Variants in KLHL14 observed in about 807,000 individuals in gnomAD.
The protein encoded by KLHL14 is kelch like family member 14, also known as kelch-like protein 14.
In KLHL14, 22 loss-of-function variants were observed where a neutral mutation model predicts 64.3. The observed-to-expected ratio is 0.34, with a 90% CI of 0.24 to 0.49. The LOEUF (loss-of-function observed/expected upper bound fraction) is 0.49, where lower values mean the gene tolerates loss of function less well. Ranked by LOEUF, KLHL14 falls within the 20% of genes least tolerant of loss-of-function variation. KLHL14 has a pLI of 0.99. For synonymous variants in KLHL14, 322 were observed against 333.4 expected (o/e 0.97, Z 0.37); for missense variants, 661 against 789.0 (o/e 0.84, Z 1.94).
intron 2 of KLHL14, among the ~76,000 whole-genome samples, chr18:32,747,312 A>G (rs887511104): frequency 6.6e-6 from 1 of 152,162 alleles, no homozygotes; most frequent in African/African-American, 2.4e-5. Context: ...CTTTATTTCT[A>G]TTATTATATT....
chr18:32,746,396 C>A (rs1037150684), intron 2 of KLHL14, among the ~76,000 whole-genome samples: 1 of 152,166 alleles, frequency 6.6e-6, no homozygotes, highest in Non-Finnish European at 1.5e-5. Context: ...CGCCTGTATG[C>A]GTGAGTGCTG....
intron 3 of KLHL14, among the ~76,000 whole-genome samples, chr18:32,732,081 G>A (rs1385261676): frequency 2.6e-5 from 4 of 152,078 alleles, no homozygotes; most frequent in East Asian, 1.9e-4. Context: ...AAAATTAGCC[G>A]GGCGTGGTGG....
rs577931133 is a variant in KLHL14 at position 32,751,626 on chromosome 18, C to A, written c.948-9577G>T. ...CCTCTTCCTCACACACAGAGTCTGGCTATGTGGTGACTGAAGAACGGTCAG... is the reference window on the plus strand; with the variant it reads ...CCTCTTCCTCACACACAGAGTCTGGATATGTGGTGACTGAAGAACGGTCAG... On this transcript the variant is annotated intron_variant, in intron 2 of 8. Coordinates refer to ENST00000359358, the MANE Select transcript of KLHL14 (RefSeq NM_020805.3). 1.4e-3 allele frequency among the ~76,000 whole-genome samples: 218 copies of A among 152,150 alleles called. 1 individual carries two copies. The highest frequency in any genetic ancestry group is 1.9e-3 in the Non-Finnish European group (130 of 68,030).
rs745322580 is a variant in KLHL14, at chr18:32,741,958, C to A, written c.1039G>T (p.Asp347Tyr). 2 of 1,607,862 alleles carry A rather than the reference C, an allele frequency of 1.2e-6. No homozygotes were observed. The highest frequency in any genetic ancestry group is 1.7e-6 in the Non-Finnish European group (2 of 1,178,584). Reference protein sequence around the residue: ...LPSNLVQYYDDEKKTWKILTI... With the variant: ...LPSNLVQYYDYEKKTWKILTI... ...AGTATTTTCCATGTCTTCTTTTCATCGTCGTAATACTGAACCAAATTGCTG... is the reference window on the plus strand; with the variant it reads ...AGTATTTTCCATGTCTTCTTTTCATAGTCGTAATACTGAACCAAATTGCTG... Residue 347 changes from aspartate (D) to tyrosine (Y), a missense_variant, in exon 3 of 9, where the codon GAT becomes TAT. Around this residue, in one of 2 missense-constraint regions of KLHL14, gnomAD observed 330 missense variants for 450.0 expected, o/e 0.73. Coordinates refer to ENST00000359358, the MANE Select transcript of KLHL14 (RefSeq NM_020805.3).
chr18:32,682,842 C>G (rs1339465287), intron 5 of KLHL14, among the ~76,000 whole-genome samples: 8 of 152,124 alleles, frequency 5.3e-5, no homozygotes, highest in Non-Finnish European at 1.0e-4. Context: ...TTTTCCAACA[C>G]TGACACTAAG....
At chr18:32,746,388 C>T (rs910096168) in intron 2 of KLHL14, among the ~76,000 whole-genome samples, 3 of 152,174 alleles carry the variant, frequency 2.0e-5, no homozygotes, top group Admixed American at 6.5e-5. Context: ...TGTGTGCGCG[C>T]CTGTATGCGT....
At chr18:32,710,263 T>G (rs187967942) in intron 3 of KLHL14, among the ~76,000 whole-genome samples, 150 of 152,324 alleles carry the variant, frequency 9.8e-4, no homozygotes, top group Admixed American at 2.2e-3. Flanking sequence ...AAAGTTTCTT[T>G]GAGATGCTAA....
intron 2 of KLHL14, among the ~76,000 whole-genome samples, chr18:32,747,211 G>T (rs1310907335): frequency 6.6e-6 from 1 of 152,070 alleles, no homozygotes; most frequent in African/African-American, 2.4e-5. Flanking sequence ...CAACCTTTTT[G>T]GTACCAGGGT....
rs2049801784 is a variant in KLHL14, at chr18:32,674,655, T to A, written c.*2A>T. 2.6e-6 allele frequency: 2 copies of A among 780,294 alleles called. No individual in the cohort carries two copies. The highest frequency in any genetic ancestry group is 3.4e-5 in the African/African-American group (2 of 59,110). The allele number at this position is 780,294 out of a possible 1,614,324, so 48.3% of individuals were successfully genotyped here. Reference sequence around the variant, plus strand: ...TACTGTTCATTCCAGAGTTTCCTGGTGTTATTTGTTGTATGGTACACAAGA... The same window carrying A: ...TACTGTTCATTCCAGAGTTTCCTGGAGTTATTTGTTGTATGGTACACAAGA... On this transcript the variant is annotated 3_prime_UTR_variant, in exon 9 of 9. Transcript: ENST00000359358.
intron 2 of KLHL14, among the ~76,000 whole-genome samples, chr18:32,753,812 C>G (rs904923777): frequency 1.3e-5 from 2 of 152,238 alleles, no homozygotes; most frequent in Non-Finnish European, 2.9e-5. Context: ...CCTTTGGTAA[C>G]TAGGAGCAGT....
Position 32,725,437 on chromosome 18 carries a change from T to C in KLHL14, c.1069+16491A>G, listed in dbSNP as rs116202716. On this transcript the variant is annotated intron_variant, in intron 3 of 8. Transcript: ENST00000359358. The stretch of plus-strand genomic sequence containing the variant: ...AAAGAGAGTTTTAAGCAGAAAAATC[T>C]CATTACACACATTTAAGAGCTGGAC... 4.4e-3 allele frequency among the ~76,000 whole-genome samples: 667 copies of C among 152,334 alleles called. 10 individuals carry two copies. The highest frequency in any genetic ancestry group is 0.028 in the South Asian group (135 of 4,822).
chr18:32,674,825 G>T (rs367972469), intron 8 of KLHL14, 28 bp from the exon 9 acceptor site: 4 of 775,610 alleles, frequency 5.2e-6, no homozygotes, highest in Non-Finnish European at 9.6e-6. Flanking sequence ...GGAGCATTTA[G>T]AGAAGGAAGC....
chr18:32,726,783 C>T (rs573080904), intron 3 of KLHL14, among the ~76,000 whole-genome samples: 46 of 152,162 alleles, frequency 3.0e-4, no homozygotes, highest in African/African-American at 9.9e-4. Flanking sequence ...TAACTGCAAC[C>T]GAGAAGACCT....
chr18:32,764,192 C>A (rs12327335), intron 2 of KLHL14, among the ~76,000 whole-genome samples: 1 of 152,088 alleles, frequency 6.6e-6, no homozygotes, highest in Non-Finnish European at 1.5e-5. Context: ...ATTTCCTACT[C>A]GAAATGATTA....
rs77254346 is a variant in KLHL14 at position 32,703,294 on chromosome 18, C to T, written c.1070-7742G>A. 6.0e-3 allele frequency among the ~76,000 whole-genome samples: 907 copies of T among 151,996 alleles called. 3 individuals carry two copies. Among genetic ancestry groups the T allele is most frequent in the Middle Eastern group, 0.01 (3 of 294 alleles). ...AGTAAATATTGATCAACGAATAGCACGAATGACTGAATGCTAGCTAAGAGA... is the reference window on the plus strand; with the variant it reads ...AGTAAATATTGATCAACGAATAGCATGAATGACTGAATGCTAGCTAAGAGA... On this transcript the variant is annotated intron_variant, in intron 3 of 8. Transcript: ENST00000359358.
intron 2 of KLHL14, among the ~76,000 whole-genome samples, chr18:32,759,735 G>A (rs1568084718): frequency 6.7e-6 from 1 of 149,374 alleles, no homozygotes; most frequent in Non-Finnish European, 1.5e-5. Flanking sequence ...CGTCATTTTG[G>A]AGTGAATGCT....
intron 7 of KLHL14, among the ~76,000 whole-genome samples, chr18:32,677,817 G>A (rs2049819020): frequency 6.6e-6 from 1 of 152,118 alleles, no homozygotes. Flanking sequence ...ACTTGAGTAA[G>A]TCACAAGTCA....
At chr18:32,675,702 T>C (rs1269960085) in intron 8 of KLHL14, among the ~76,000 whole-genome samples, 1 of 152,220 alleles carries the variant, frequency 6.6e-6, no homozygotes, top group African/African-American at 2.4e-5. Flanking sequence ...AAGGCAGCTT[T>C]GTGTTTATCA....
At chr18:32,747,252 A>G (rs1463497873) in intron 2 of KLHL14, among the ~76,000 whole-genome samples, 4 of 152,134 alleles carry the variant, frequency 2.6e-5, no homozygotes, top group Admixed American at 6.6e-5. Flanking sequence ...TTTTCCATGG[A>G]CCAGAGGGAT....
Sources: gnomAD v4.1 joint callset for allele counts (sites outside exome capture counted in the v4.1 genomes callset) on GRCh38, gnomAD v4.1.1 for gene constraint, gnomAD v4.1.1 regional missense constraint, MANE v1.5 for transcripts, NCBI Gene and HGNC (gene_info 2026-07-23, HGNC 2026-07-21) for gene names.